MYO18B: variants seen among roughly 807,000 people sequenced by gnomAD.
MYO18B encodes unconventional myosin-XVIIIb.
Under a neutral mutation model 273.0 loss-of-function variants are expected in MYO18B, and 204 were observed. The ratio of observed to expected loss-of-function variants is 0.75; its 90% CI spans 0.67 to 0.84. The LOEUF is 0.84. Among genes scored for constraint, MYO18B ranks in the 40% least tolerant of loss-of-function variants. The probability of loss-of-function intolerance (pLI) is 0.00; values close to 1 mark genes in which losing one functional copy is unlikely to be tolerated. For synonymous variants in MYO18B, 1,330 were observed against 1,305.7 expected (o/e 1.02, Z -0.40); for missense variants, 3,212 against 3,287.6 (o/e 0.98, Z 0.56).
At chr22:25,884,089 C>T (rs972156545) in intron 25 of MYO18B, among the ~76,000 whole-genome samples, 2 of 152,180 alleles carry the variant, frequency 1.3e-5, no homozygotes, top group African/African-American at 2.4e-5. Context: ...GGCCCATGCA[C>T]TCCTCATTTC....
the MYO18B span, among the ~76,000 whole-genome samples, chr22:26,041,743 A>C: frequency 6.6e-6 from 1 of 152,212 alleles, no homozygotes; most frequent in Non-Finnish European, 1.5e-5. Flanking sequence ...GGCTCAGACC[A>C]GAGTGGTAGC....
chr22:25,769,075 G>C lies in MYO18B; in HGVS notation c.1159G>C (p.Glu387Gln). The change falls in exon 4 of 44, where the codon GAG becomes CAG. Residue 387 changes from glutamate to glutamine, a missense_variant. Physicochemically the swap from Glu to Gln is conservative, Grantham distance 29 (BLOSUM62 2). Transcript: ENST00000335473. ...ELRSTTGKAG[E>Q]SWDKKEKMGQ... ...TCGGAGCACGACTGGGAAGGCAGGT[G>C]AGTCCTGGGATAAGAAGGAAAAGAT... 1 of 1,613,054 alleles carries C rather than the reference G, an allele frequency of 6.2e-7. No individual in the cohort carries two copies. The highest frequency in any genetic ancestry group is 8.5e-7 in the Non-Finnish European group (1 of 1,179,460).
At chr22:25,772,943 G>A (rs2086775360) in intron 7 of MYO18B, among the ~76,000 whole-genome samples, 1 of 152,144 alleles carries the variant, frequency 6.6e-6, no homozygotes, top group Non-Finnish European at 1.5e-5. Context: ...GAGTTGCTGG[G>A]AGAAAACCCA....
intron 18 of MYO18B, among the ~76,000 whole-genome samples, chr22:25,845,800 G>A (rs1285701775): frequency 6.6e-6 from 1 of 152,212 alleles, no homozygotes; most frequent in Admixed American, 6.5e-5. Flanking sequence ...TAGCATTGCT[G>A]TAGGTATGTA....
At chr22:25,775,489 C>A (rs766218914) in intron 7 of MYO18B, among the ~76,000 whole-genome samples, 26 of 152,224 alleles carry the variant, frequency 1.7e-4, no homozygotes, top group Non-Finnish European at 3.2e-4. Context: ...CATCCTCCTG[C>A]AGCAGGGCCC....
At chr22:25,785,556 G>A (rs2087348064) in intron 11 of MYO18B, 65 bp downstream of exon 11, 1 of 1,516,518 alleles carries the variant, frequency 6.6e-7, no homozygotes, top group Non-Finnish European at 9.0e-7. Flanking sequence ...GGAGGGTGAT[G>A]AGTCGCCGTG....
At chr22:25,828,650 G>A in intron 14 of MYO18B, 126 bp from the exon 15 acceptor site, 1 of 835,430 alleles carries the variant, frequency 1.2e-6, no homozygotes, top group South Asian at 1.7e-5. Context: ...TAAGTAGCTT[G>A]CCTGAGGTCA....
intron 23 of MYO18B, 81 bp from the exon 24 acceptor site, chr22:25,876,108 G>T: frequency 6.9e-7 from 1 of 1,441,656 alleles, no homozygotes; most frequent in Non-Finnish European, 9.4e-7. Context: ...CAGCCCCTTT[G>T]CTACCCTCTG....
chr22:25,980,051 A>G (rs932048486), intron 39 of MYO18B, among the ~76,000 whole-genome samples: 2 of 152,182 alleles, frequency 1.3e-5, no homozygotes, highest in Non-Finnish European at 2.9e-5. Context: ...GGTGCACTTG[A>G]TAAGAGAGAG....
chr22:25,847,532 C>A lies in MYO18B; in HGVS notation c.3655C>A (p.Pro1219Thr). The change falls in exon 20 of 44, where the codon CCA (proline) becomes ACA (threonine). Residue 1219 changes from proline (P) to threonine (T), a missense_variant. Transcript: ENST00000335473. The part of the protein sequence containing the change: ...ESRSGQESPP[P>T]PQPGRDKPGA... ...CAGGAGTGGGCAGGAATCTCCACCA[C>A]CACCGCAGCCTGGTAGAGACAAGCC... 6.4e-7 allele frequency: 1 copy of A among 1,574,302 alleles called. No individual in the cohort carries two copies. Among genetic ancestry groups the A allele is most frequent in the Non-Finnish European group, 8.6e-7 (1 of 1,159,732 alleles).
At chr22:25,990,922 T>G (rs991276908) in intron 39 of MYO18B, among the ~76,000 whole-genome samples, 21 of 152,038 alleles carry the variant, frequency 1.4e-4, no homozygotes, top group African/African-American at 4.8e-4. Flanking sequence ...TTAGAGCCGG[T>G]TACAAGAAAA....
At chr22:25,897,752 T>C (rs1328430449) in intron 28 of MYO18B, 1 of 152,376 alleles carries the variant, frequency 6.6e-6, no homozygotes, top group Non-Finnish European at 1.5e-5. Flanking sequence ...AACTAGGACA[T>C]TTGGGAGAGT....
chr22:25,762,545 C>T (rs1162280075), intron 2 of MYO18B, among the ~76,000 whole-genome samples: 9 of 152,262 alleles, frequency 5.9e-5, no homozygotes, highest in Admixed American at 5.2e-4. Context: ...CACCACAAGT[C>T]CAGCCAGTGC....
chr22:25,819,566 GTATTTAAT>G (rs1249990916), intron 12 of MYO18B, among the ~76,000 whole-genome samples: 8 of 152,306 alleles, frequency 5.3e-5, no homozygotes, highest in Non-Finnish European at 1.0e-4. Flanking sequence ...ACAGGTAACA[GTATTTAAT>G]TAGAATCTAA....
At chr22:25,769,763 G>C (rs1260056013) in intron 4 of MYO18B, among the ~76,000 whole-genome samples, 4 of 152,132 alleles carry the variant, frequency 2.6e-5, no homozygotes, top group African/African-American at 9.7e-5. Context: ...ATGGCATAAC[G>C]AGTAGATTGT....
At position 26,002,610 on chromosome 22, in the gene MYO18B, C is replaced by T. The variant is rs576007085; in HGVS notation, c.6288-655C>T. On this transcript the variant is annotated intron_variant, in intron 40 of 43. Coordinates refer to ENST00000335473, the MANE Select transcript of MYO18B (RefSeq NM_032608.7). ...TGATGTCCTAGGTGTCTGAGGTTTG[C>T]GGTTTGGCTGTCTGCACCCACCCAC... Among the ~76,000 whole-genome samples the T allele has an allele frequency of 1.3e-4, 20 of 152,292 alleles. No homozygotes were observed. The South Asian group carries it at 2.7e-3, about 21-fold the overall frequency.
chr22:26,026,408 A>C lies in MYO18B; in HGVS notation c.6471-37A>C, dbSNP rs760629939. ...CGATTGCACAAATTGTATGAATTGCACAATTTCTACAGACTGCATTTTTCT... is the reference window on the plus strand; with the variant it reads ...CGATTGCACAAATTGTATGAATTGCCCAATTTCTACAGACTGCATTTTTCT... On this transcript the variant is annotated intron_variant, in intron 42 of 43. Transcript: ENST00000335473. 1.9e-6 allele frequency: 3 copies of C among 1,566,414 alleles called. No homozygotes were observed. In the South Asian group the frequency reaches 3.6e-5, roughly 19 times the overall value.
At chr22:25,779,977 G>GA (rs2087066409) in intron 8 of MYO18B, 79 bp from the exon 9 acceptor site, 2 of 1,469,638 alleles carry the variant, frequency 1.4e-6, no homozygotes, top group Admixed American at 4.4e-5. Flanking sequence ...AGGGGCCGTG[G>GA]AAAAGGTGGA....
At chr22:25,838,091 GA>G (rs1205835775) in intron 17 of MYO18B, among the ~76,000 whole-genome samples, 1 of 151,742 alleles carries the variant, frequency 6.6e-6, no homozygotes, top group East Asian at 1.9e-4. Flanking sequence ...TTTCTGGAAA[GA>G]AAAAGAACTT....
Sources: gnomAD v4.1 joint callset for allele counts (sites outside exome capture counted in the v4.1 genomes callset) on GRCh38, gnomAD v4.1.1 for gene constraint, MANE v1.5 for transcripts, NCBI Gene and HGNC (gene_info 2026-07-23, HGNC 2026-07-21) for gene names.